Variants in THSD7A observed in about 807,000 individuals in gnomAD.
THSD7A encodes the protein thrombospondin type 1 domain containing 7A.
A neutral mutation model predicts 231.3 loss-of-function variants in THSD7A; 96 were observed. The ratio of observed to expected loss-of-function variants is 0.41; its 90% CI spans 0.35 to 0.49. The LOEUF is 0.49. Among genes scored for constraint, THSD7A ranks in the 20% least tolerant of loss-of-function variants. THSD7A has a pLI of 0.05. For synonymous variants in THSD7A, 940 were observed against 743.3 expected (o/e 1.26, Z -4.30); for missense variants, 2,290 against 2,070.2 (o/e 1.11, Z -2.06).
intron 1 of THSD7A, among the ~76,000 whole-genome samples, chr7:11,769,017 G>C (rs1169361586): frequency 6.8e-6 from 1 of 147,460 alleles, no homozygotes; most frequent in Non-Finnish European, 1.5e-5. Flanking sequence ...GAGTGCAATG[G>C]TGCGATCTCG....
At chr7:11,769,093 G>T (rs1407683468) in intron 1 of THSD7A, among the ~76,000 whole-genome samples, 1 of 125,652 alleles carries the variant, frequency 8.0e-6, no homozygotes, top group Non-Finnish European at 1.6e-5. Context: ...GAGTAGCTGC[G>T]ATTACAGGCA....
In THSD7A at chr7:11,375,850, G is replaced by C; in HGVS notation, c.4918C>G (p.Gln1640Glu). ...CKKPKKPQRR[Q>E]NNRLKPLTLA... ...GTTAAAGGTTTCAGTCGGTTGTTTT[G>C]CCTTCTTTGGGGTTTCTTTGGCTTT... The change falls in exon 28 of 28, where the codon CAA becomes GAA. Residue 1640 changes from glutamine to glutamate, a missense_variant. Gln to Glu is a conservative substitution (Grantham distance 29). Coordinates refer to ENST00000423059, the MANE Select transcript of THSD7A (RefSeq NM_015204.3). 6.2e-7 allele frequency: 1 copy of C among 1,612,602 alleles called. No individual in the cohort carries two copies. Among genetic ancestry groups the C allele is most frequent in the Middle Eastern group, 1.7e-4 (1 of 6,054 alleles).
At chr7:11,378,180 T>A (rs1782355744) in intron 26 of THSD7A, 1 of 152,320 alleles carries the variant, frequency 6.6e-6, no homozygotes, top group Admixed American at 6.5e-5. Context: ...CTATGCAGAT[T>A]CCTTCCATCT....
intron 15 of THSD7A, among the ~76,000 whole-genome samples, chr7:11,426,286 C>T (rs1163540656): frequency 2.0e-5 from 3 of 152,086 alleles, no homozygotes; most frequent in African/African-American, 7.2e-5. Context: ...GAAGTGAATA[C>T]CCATCAGTTC....
Position 11,506,868 on chromosome 7 carries a change from C to T in THSD7A, c.1823-24886G>A, listed in dbSNP as rs185060333. Among the ~76,000 whole-genome samples the T allele has an allele frequency of 2.4e-3, 342 of 139,808 alleles. 2 individuals carry two copies. The highest frequency in any genetic ancestry group is 8.5e-3 in the African/African-American group (322 of 38,014). 91.7% of individuals were successfully genotyped at this position (139,808 alleles called of 152,430 possible). On this transcript the variant is annotated intron_variant, in intron 6 of 27. Transcript: ENST00000423059. ...TGACCCACCTGTCACTCTCCATCAC[C>T]GTACCCCTTTGTTTTTTTCCCCAAT...
At chr7:11,483,311 T>C (rs1786505895) in intron 6 of THSD7A, among the ~76,000 whole-genome samples, 1 of 152,170 alleles carries the variant, frequency 6.6e-6, no homozygotes, top group South Asian at 2.1e-4. Context: ...GAGCCTTTAA[T>C]CATGAGACAA....
intron 1 of THSD7A, among the ~76,000 whole-genome samples, chr7:11,788,493 A>G (rs2128177092): frequency 6.6e-6 from 1 of 152,162 alleles, no homozygotes; most frequent in East Asian, 1.9e-4. Context: ...CTATCTTGAA[A>G]ATGTCTTCCT....
At chr7:11,796,565 T>C (rs75466639) in intron 1 of THSD7A, among the ~76,000 whole-genome samples, 8,554 of 152,118 alleles carry the variant, frequency 0.056, 300 homozygotes, top group South Asian at 0.12. Context: ...TTTGATGTTT[T>C]CAATAAAATG....
intron 2 of THSD7A, among the ~76,000 whole-genome samples, chr7:11,604,721 A>T (rs989292001): frequency 1.3e-5 from 2 of 152,156 alleles, no homozygotes; most frequent in African/African-American, 2.4e-5. Context: ...AATGCAGAAC[A>T]CAGAATGAGA....
chr7:11,811,466 T>C (rs1374154011), intron 1 of THSD7A, among the ~76,000 whole-genome samples: 1 of 152,170 alleles, frequency 6.6e-6, no homozygotes, highest in Non-Finnish European at 1.5e-5. Flanking sequence ...GAATTCAAGT[T>C]AAAAATCCTA....
In THSD7A at chr7:11,370,929, G is replaced by A. The variant is rs1309942013; in HGVS notation, c.*4865C>T. ...ACACAAACAGATTTCTGAAAAATAG[G>A]GAAAAGTTTACTTGAGGGTTAAAAG... On this transcript the variant is annotated 3_prime_UTR_variant, in exon 28 of 28. Transcript: ENST00000423059. The A allele has an allele frequency of 6.6e-6, 1 of 151,932 alleles. No homozygotes were observed. The highest frequency in any genetic ancestry group is 1.9e-4 in the East Asian group (1 of 5,176). 9.4% of individuals were successfully genotyped at this position (151,932 alleles called of 1,614,324 possible).
chr7:11,438,318 C>T (rs1210098091), intron 13 of THSD7A, among the ~76,000 whole-genome samples: 1 of 152,048 alleles, frequency 6.6e-6, no homozygotes, highest in Admixed American at 6.6e-5. Context: ...TAAAGATATT[C>T]TATTAAAAGG....
intron 6 of THSD7A, among the ~76,000 whole-genome samples, chr7:11,520,609 C>T (rs563743902): frequency 6.6e-6 from 1 of 152,198 alleles, no homozygotes; most frequent in South Asian, 2.1e-4. Context: ...GTCATATTTA[C>T]TTATGAGTAC....
At chr7:11,434,151 G>C in intron 13 of THSD7A, among the ~76,000 whole-genome samples, 1 of 151,938 alleles carries the variant, frequency 6.6e-6, no homozygotes, top group East Asian at 1.9e-4. Context: ...AACAATCATG[G>C]GGGATGGAAA....
rs566967236 is a variant in THSD7A, at chr7:11,378,526, C to G, written c.4801+544G>C. 2.6e-5 allele frequency among the ~76,000 whole-genome samples: 4 copies of G among 152,336 alleles called. No individual in the cohort carries two copies. In the East Asian group the frequency reaches 7.7e-4, roughly 29 times the overall value. The stretch of plus-strand genomic sequence containing the variant: ...TCATCCTATCCAGAAGGGAAGGCTC[C>G]ATTGTCTCCCTGTTTATCTGGCACT... On this transcript the variant is annotated intron_variant, in intron 26 of 27. Transcript: ENST00000423059.
At chr7:11,768,330 C>T (rs894884940) in intron 1 of THSD7A, among the ~76,000 whole-genome samples, 2 of 152,110 alleles carry the variant, frequency 1.3e-5, no homozygotes, top group Non-Finnish European at 2.9e-5. Flanking sequence ...AATAAGTTCT[C>T]CGTGTTTCAA....
At chr7:11,662,770 G>A (rs1782978511) in intron 1 of THSD7A, among the ~76,000 whole-genome samples, 1 of 151,202 alleles carries the variant, frequency 6.6e-6, no homozygotes, top group Non-Finnish European at 1.5e-5. Context: ...AGAGACAAGT[G>A]GAAATGTTTT....
intron 1 of THSD7A, among the ~76,000 whole-genome samples, chr7:11,653,044 T>G (rs1408908597): frequency 6.6e-6 from 1 of 151,958 alleles, no homozygotes; most frequent in Non-Finnish European, 1.5e-5. Flanking sequence ...GAGATTTATA[T>G]GGCATTTATT....
chr7:11,432,447 C>T (rs920051668), intron 13 of THSD7A, among the ~76,000 whole-genome samples: 1 of 152,080 alleles, frequency 6.6e-6, no homozygotes, highest in African/African-American at 2.4e-5. Flanking sequence ...TAGTCCAGAA[C>T]TCTCCTCCGT....
Sources: allele counts gnomAD v4.1 joint callset (sites outside exome capture counted in the v4.1 genomes callset), GRCh38; gene constraint gnomAD v4.1.1; transcripts MANE v1.5; gene names NCBI Gene and HGNC (gene_info 2026-07-23, HGNC 2026-07-21).